LRRN4: variants seen among roughly 807,000 people sequenced by gnomAD.
The protein encoded by LRRN4 is leucine rich repeat neuronal 4, also known as leucine-rich repeat neuronal protein 4.
A neutral mutation model predicts 22.3 loss-of-function variants in LRRN4; 26 were observed. The ratio of observed to expected loss-of-function variants is 1.16; its 90% CI spans 0.85 to 1.62. The LOEUF is 1.62. LRRN4 is among the 40% of genes most tolerant of loss of function. LRRN4 has a pLI of 0.00. For missense variants in LRRN4, 1,070 were observed against 1,008.5 expected, an observed-to-expected ratio of 1.06 and a Z score of -0.83; for synonymous variants, 496 against 486.2, an observed-to-expected ratio of 1.02 and a Z score of -0.26.
chr20:6,045,686 A>G (rs571200962), intron 3 of LRRN4, among the ~76,000 whole-genome samples: 2 of 148,978 alleles, frequency 1.3e-5, no homozygotes, highest in Admixed American at 1.3e-4. Context: ...TTAAAACAAT[A>G]AATATTTATT....
At chr20:6,050,660 G>T in intron 3 of LRRN4, 119 bp downstream of exon 3, 2 of 1,016,344 alleles carry the variant, frequency 2.0e-6, no homozygotes, top group African/African-American at 1.6e-5. Flanking sequence ...CAAAGCCCCA[G>T]AGAGGATTTG....
Position 6,042,021 on chromosome 20 carries a change from C to T in LRRN4, c.1224G>A (p.Lys408=). ...TCGTGCGAGAGCCCACGTTAGGGGC[C>T]TTGGAGACACTCTGCTGGTCTCCCG... ...RPAGDQQSVS[K]APNVGSRTIA... The change falls in exon 5 of 5, where the codon AAG becomes AAA. Residue 408 remains lysine (K), a synonymous_variant. Transcript: ENST00000378858. The T allele has an allele frequency of 6.2e-7, 1 of 1,613,982 alleles. No homozygotes were observed. Among genetic ancestry groups the T allele is most frequent in the South Asian group, 1.1e-5 (1 of 91,074 alleles).
chr20:6,050,933 T>TCAGGTA lies in LRRN4; in HGVS notation c.700_705dup (p.Tyr234_Leu235dup). On this transcript the variant is annotated inframe_insertion, in exon 3 of 5. Transcript: ENST00000378858. ...AGGGTCGTCAGCCGAGGCATCTTCC[T>TCAGGTA]CAGGTAGAGGGATGTGAGCTTCGGC... 6.2e-7 allele frequency: 1 copy of TCAGGTA among 1,614,112 alleles called. No homozygotes were observed. The highest frequency in any genetic ancestry group is 8.5e-7 in the Non-Finnish European group (1 of 1,180,024).
intron 3 of LRRN4, among the ~76,000 whole-genome samples, chr20:6,049,827 A>G (rs1981202920): frequency 6.6e-6 from 1 of 151,522 alleles, no homozygotes; most frequent in Non-Finnish European, 1.5e-5. Context: ...ATATCATACA[A>G]TCATCACTAT....
In LRRN4 at chr20:6,040,843, G is replaced by T; in HGVS notation, c.*179C>A. ...GGAACAGAGTTAAGTAGAAGGAAGG[G>T]AGGGCAGCAGTTCCTTGGACCCAGA... On this transcript the variant is annotated 3_prime_UTR_variant, in exon 5 of 5. Coordinates refer to ENST00000378858, the MANE Select transcript of LRRN4 (RefSeq NM_152611.5). 1.3e-6 allele frequency: 1 copy of T among 781,070 alleles called. No individual in the cohort carries two copies. Among genetic ancestry groups the T allele is most frequent in the Non-Finnish European group, 2.0e-6 (1 of 502,106 alleles). The allele number at this position is 781,070 out of a possible 1,614,324, so 48.4% of individuals were successfully genotyped here.
intron 3 of LRRN4, among the ~76,000 whole-genome samples, chr20:6,048,881 C>T (rs1321047647): frequency 6.6e-6 from 1 of 152,086 alleles, no homozygotes; most frequent in Non-Finnish European, 1.5e-5. Flanking sequence ...TGACAAATGA[C>T]CTGCAAGACA....
Position 6,052,344 on chromosome 20 carries a change from C to T in LRRN4, c.456G>A (p.Ala152=), listed in dbSNP as rs1042773852. The change falls in exon 2 of 5, where the codon GCG becomes GCA. Residue 152 remains alanine (A), a synonymous_variant. Transcript: ENST00000378858. The part of the protein sequence containing the change: ...GPALSSLRAL[A]LAGNPLRALQ... ...GCGCCCGCAGCGGATTCCCGGCGAG[C>T]GCCAGGGCGCGGAGGCTGCTCAGCG... The T allele has an allele frequency of 2.0e-6, 3 of 1,505,736 alleles. No individual in the cohort carries two copies. Among genetic ancestry groups the T allele is most frequent in the Non-Finnish European group, 8.8e-7 (1 of 1,136,062 alleles). The allele number at this position is 1,505,736 out of a possible 1,614,324, so 93.3% of individuals were successfully genotyped here.
At position 6,042,114 on chromosome 20, in the gene LRRN4, G is replaced by C. The variant is rs1261570474; in HGVS notation, c.1131C>G (p.Cys377Trp). The change falls in exon 5 of 5, where the codon TGC becomes TGG. Residue 377 changes from cysteine (C) to tryptophan (W), a missense_variant. Cys to Trp is a radical substitution (Grantham distance 215). Coordinates refer to ENST00000378858, the MANE Select transcript of LRRN4 (RefSeq NM_152611.5). ...STTLGASHPPCFNRSTYAQGT... is the reference protein window; with the variant it reads ...STTLGASHPPWFNRSTYAQGT... ...CCTGTGCGTAGGTGGAGCGGTTGAA[G>C]CAAGGTGGGTGTGAAGCCCCGAGAG... The C allele has an allele frequency of 3.1e-6, 5 of 1,614,076 alleles. No individual in the cohort carries two copies. The highest frequency in any genetic ancestry group is 4.2e-6 in the Non-Finnish European group (5 of 1,180,018).
intron 3 of LRRN4, among the ~76,000 whole-genome samples, chr20:6,050,250 G>C (rs1981211990): frequency 6.6e-6 from 1 of 152,316 alleles, no homozygotes; most frequent in South Asian, 2.1e-4. Context: ...ATGAGTGAAT[G>C]GTTCTGCCTT....
chr20:6,041,757 C>T lies in LRRN4; in HGVS notation c.1488G>A (p.Ser496=), dbSNP rs760647264. The T allele has an allele frequency of 5.0e-6, 8 of 1,613,832 alleles. No individual in the cohort carries two copies. The highest frequency in any genetic ancestry group is 5.9e-6 in the Non-Finnish European group (7 of 1,179,930). ...FPTSWDRSIS[S]PQPGQRTHAT... is the part of the protein sequence containing the mutation. ...CGTGTGTCCTCTGGCCGGGCTGAGG[C>T]GAGCTTATGCTGCGGTCCCACGAGG... is the stretch of plus-strand genomic sequence containing the variant. The change falls in exon 5 of 5, where the codon TCG becomes TCA. Residue 496 remains serine, a synonymous_variant. Transcript: ENST00000378858. The surrounding 1 kb of genome is among the most constrained non-coding windows in gnomAD (Gnocchi z 9.4).
At chr20:6,049,360 G>A (rs1010508359) in intron 3 of LRRN4, among the ~76,000 whole-genome samples, 1 of 152,144 alleles carries the variant, frequency 6.6e-6, no homozygotes, top group African/African-American at 2.4e-5. Context: ...ACTGAACTGT[G>A]AGCTCCCTGA....
In LRRN4 at chr20:6,041,217, G is replaced by C. The variant is rs1238684287; in HGVS notation, c.2028C>G (p.Thr676=). 6.3e-7 allele frequency: 1 copy of C among 1,586,894 alleles called. No homozygotes were observed. Among genetic ancestry groups the C allele is most frequent in the Non-Finnish European group, 8.6e-7 (1 of 1,164,960 alleles). ...AGAGCAGGAGCGCGAAGCTGGGCTT[G>C]GTGGTGAAGGCGGCGCACGGGCTCC... ...GWRSPCAAFT[T]KPSFALLLSG... The change falls in exon 5 of 5, where the codon ACC becomes ACG. Residue 676 remains threonine, a synonymous_variant. Transcript: ENST00000378858. The surrounding 1 kb of genome is among the most constrained non-coding windows in gnomAD (Gnocchi z 9.4).
Position 6,041,795 on chromosome 20 carries a change from C to T in LRRN4, c.1450G>A (p.Gly484Ser), listed in dbSNP as rs746581811. 2 of 1,614,144 alleles carry T rather than the reference C, an allele frequency of 1.2e-6. No homozygotes were observed. The highest frequency in any genetic ancestry group is 2.2e-5 in the South Asian group (2 of 91,084). Residue 484 changes from glycine (G) to serine (S), a missense_variant, in exon 5 of 5, where the codon GGC (glycine) becomes AGC (serine). Gly to Ser is a moderately conservative substitution (Grantham distance 56). Coordinates refer to ENST00000378858, the MANE Select transcript of LRRN4 (RefSeq NM_152611.5). This position sits in a 1 kb window ranked among gnomAD's most constrained non-coding sequence, Gnocchi z 9.4. Reference sequence around the variant, plus strand: ...CGGTCCCACGAGGTAGGGAAGGGGCCCAGGAGCTTGCTGGCCAGTGGGGTG... The same window carrying T: ...CGGTCCCACGAGGTAGGGAAGGGGCTCAGGAGCTTGCTGGCCAGTGGGGTG... ...ASTPLASKLLGPFPTSWDRSI... is the reference protein window; with the variant it reads ...ASTPLASKLLSPFPTSWDRSI...
In LRRN4 at chr20:6,052,357, A is replaced by G. The variant is rs1259790193; in HGVS notation, c.443T>C (p.Leu148Pro). 16 of 1,511,068 alleles carry G rather than the reference A, an allele frequency of 1.1e-5. No homozygotes were observed. Among genetic ancestry groups the G allele is most frequent in the Non-Finnish European group, 1.3e-5 (15 of 1,138,652 alleles). The allele number at this position is 1,511,068 out of a possible 1,614,324, so 93.6% of individuals were successfully genotyped here. The change falls in exon 2 of 5, where the codon CTC (leucine) becomes CCC (proline). Residue 148 changes from leucine to proline, a missense_variant. Transcript: ENST00000378858. The part of the protein sequence containing the change: ...PPCTGPALSS[L>P]RALALAGNPL... ...ATTCCCGGCGAGCGCCAGGGCGCGG[A>G]GGCTGCTCAGCGCGGGCCCGGTGCA...
chr20:6,050,879 T>TG lies in LRRN4; in HGVS notation c.759dup (p.Asn254GlnfsTer65), dbSNP rs781639147. On this transcript the variant is annotated frameshift_variant, in exon 3 of 5. Coordinates refer to ENST00000378858, the MANE Select transcript of LRRN4 (RefSeq NM_152611.5). LOFTEE classifies it high-confidence loss of function. ...TCCTGACAGTCCAGCTGCTGCAGGT[T>TG]GGGGGTCATCTTGAAAATGTCCCCC... 6.2e-7 allele frequency: 1 copy of TG among 1,614,168 alleles called. No individual in the cohort carries two copies. Among genetic ancestry groups the TG allele is most frequent in the Non-Finnish European group, 8.5e-7 (1 of 1,180,018 alleles).
chr20:6,040,863 C>G lies in LRRN4; in HGVS notation c.*159G>C. The stretch of plus-strand genomic sequence containing the variant: ...GAAGGGAGGGCAGCAGTTCCTTGGA[C>G]CCAGACACTCAGTGTGGCAAGTTCC... On this transcript the variant is annotated 3_prime_UTR_variant, in exon 5 of 5. Coordinates refer to ENST00000378858, the MANE Select transcript of LRRN4 (RefSeq NM_152611.5). 1 of 964,602 alleles carries G rather than the reference C, an allele frequency of 1.0e-6. No individual in the cohort carries two copies. The highest frequency in any genetic ancestry group is 1.5e-6 in the Non-Finnish European group (1 of 664,128). The allele number at this position is 964,602 out of a possible 1,614,324, so 59.8% of individuals were successfully genotyped here.
Position 6,041,505 on chromosome 20 carries a change from T to C in LRRN4, c.1740A>G (p.Pro580=). Residue 580 remains proline, a synonymous_variant, in exon 5 of 5, where the codon CCA becomes CCG. Coordinates refer to ENST00000378858, the MANE Select transcript of LRRN4 (RefSeq NM_152611.5). The surrounding 1 kb of genome is among the most constrained non-coding windows in gnomAD (Gnocchi z 9.4). ...TCACCCCCTGCAGCCTGGGCGGGTC[T>C]GGGATGGTGTCTTCCCCGCTGAGGC... ...CPGLSGEDTI[P]DPPRLQGVTE... 6.4e-7 allele frequency: 1 copy of C among 1,558,484 alleles called. No homozygotes were observed. Among genetic ancestry groups the C allele is most frequent in the Non-Finnish European group, 8.7e-7 (1 of 1,151,486 alleles).
chr20:6,051,399 G>A (rs1981242650), intron 2 of LRRN4, among the ~76,000 whole-genome samples: 1 of 152,172 alleles, frequency 6.6e-6, no homozygotes, highest in Non-Finnish European at 1.5e-5. Flanking sequence ...AAGGAGGCGA[G>A]GGGCCCCCAG....
intron 3 of LRRN4, among the ~76,000 whole-genome samples, chr20:6,049,185 G>A (rs2123056900): frequency 6.6e-6 from 1 of 152,254 alleles, no homozygotes; most frequent in African/African-American, 2.4e-5. Flanking sequence ...GGTGAGCTTG[G>A]ACTTGCCTTT....
Sources: allele counts gnomAD v4.1 joint callset (sites outside exome capture counted in the v4.1 genomes callset), GRCh38; gene constraint gnomAD v4.1.1; non-coding constraint Gnocchi (gnomAD v3.1); transcripts MANE v1.5; gene names NCBI Gene and HGNC (gene_info 2026-07-23, HGNC 2026-07-21).